The following KMT2C variants were observed in gnomAD, a reference collection of about 807,000 sequenced individuals.
KMT2C encodes lysine methyltransferase 2C.
Under a neutral mutation model 507.9 loss-of-function variants are expected in KMT2C, and 88 were observed. That is an observed-to-expected ratio of 0.17 (90% CI 0.15 to 0.21). The LOEUF is 0.21. KMT2C is among the 10% of genes least tolerant of loss of function. The pLI is 1.00. For missense variants in KMT2C, 4,954 were observed against 5,957.8 expected (o/e 0.83, Z 5.55); for synonymous variants, 2,049 against 2,080.8 (o/e 0.98, Z 0.42).
intron 6 of KMT2C, among the ~76,000 whole-genome samples, chr7:152,285,724 C>A (rs1266951014): frequency 1.3e-5 from 2 of 152,250 alleles, no homozygotes; most frequent in Non-Finnish European, 2.9e-5. Flanking sequence ...ATGGCTCCTG[C>A]CTGTAATCCC....
rs189971268 is a variant in KMT2C, at chr7:152,395,464, T to C, written c.162-36789A>G. 1.0e-3 allele frequency among the ~76,000 whole-genome samples: 157 copies of C among 152,220 alleles called. 1 individual carries two copies. The highest frequency in any genetic ancestry group is 3.7e-3 in the African/African-American group (153 of 41,524). ...TTAGCCTCCCAAAGTACTAGAATTA[T>C]AGGCATGAGCCACAGTGCCTAACCA... is the stretch of plus-strand genomic sequence containing the variant. On this transcript the variant is annotated intron_variant, in intron 1 of 58. Coordinates refer to ENST00000262189, the MANE Select transcript of KMT2C (RefSeq NM_170606.3).
At position 152,252,078 on chromosome 7, in the gene KMT2C, T is replaced by C; in HGVS notation, c.1482A>G (p.Leu494=). ...CATGATCTGTTGGTTTGTCACACTC[T>C]AGGTGAACCCACCTGCAGTGATAAG... ...HCNMCKRWVH[L]ECDKPTDHEL... Residue 494 remains leucine, a synonymous_variant, in exon 11 of 59, where the codon CTA becomes CTG. Coordinates refer to ENST00000262189, the MANE Select transcript of KMT2C (RefSeq NM_170606.3). 1 of 1,608,678 alleles carries C rather than the reference T, an allele frequency of 6.2e-7. No homozygotes were observed. Among genetic ancestry groups the C allele is most frequent in the Non-Finnish European group, 8.5e-7 (1 of 1,177,062 alleles).
At chr7:152,272,744 T>C (rs557090929) in intron 7 of KMT2C, among the ~76,000 whole-genome samples, 2 of 152,146 alleles carry the variant, frequency 1.3e-5, no homozygotes, top group Non-Finnish European at 2.9e-5. Context: ...ATAATTTTAA[T>C]GGAAAATGAA....
intron 7 of KMT2C, among the ~76,000 whole-genome samples, chr7:152,273,307 T>G (rs2096012115): frequency 6.6e-6 from 1 of 152,190 alleles, no homozygotes; most frequent in South Asian, 2.1e-4. Flanking sequence ...ACGTAAATCC[T>G]GAAATAACAC....
Position 152,317,523 on chromosome 7 carries a change from T to C in KMT2C, c.390-2185A>G, listed in dbSNP as rs892576031. On this transcript the variant is annotated intron_variant, in intron 3 of 58. Coordinates refer to ENST00000262189, the MANE Select transcript of KMT2C (RefSeq NM_170606.3). Reference sequence around the variant, plus strand: ...ACACTTCCATAAAGAAATGTGACAATAGCACCTCTGAGGAAGAGGCCACTG... The same window carrying C: ...ACACTTCCATAAAGAAATGTGACAACAGCACCTCTGAGGAAGAGGCCACTG... Among the ~76,000 whole-genome samples the C allele has an allele frequency of 3.9e-5, 6 of 152,126 alleles. No individual in the cohort carries two copies. In the South Asian group the frequency reaches 6.2e-4, roughly 16 times the overall value.
chr7:152,367,977 C>T, intron 1 of KMT2C: 1 of 891,446 alleles, frequency 1.1e-6, no homozygotes, highest in Non-Finnish European at 1.8e-6. Flanking sequence ...GTTTAAAAAA[C>T]AGATAATGAA....
chr7:152,315,365 G>A (rs747066934), intron 3 of KMT2C, 27 bp from the exon 4 acceptor site: 3 of 1,569,392 alleles, frequency 1.9e-6, no homozygotes, highest in Non-Finnish European at 1.8e-6. Flanking sequence ...GTAAGTCAGA[G>A]AAGGAGAAAA....
At chr7:152,283,013 T>C (rs556429365) in intron 6 of KMT2C, among the ~76,000 whole-genome samples, 2 of 152,064 alleles carry the variant, frequency 1.3e-5, no homozygotes, top group South Asian at 4.1e-4. Flanking sequence ...GGTTAAGAGT[T>C]TGTTTTCTTC....
intron 2 of KMT2C, among the ~76,000 whole-genome samples, chr7:152,341,244 G>C (rs546108280): frequency 1.3e-5 from 2 of 152,136 alleles, no homozygotes; most frequent in African/African-American, 4.8e-5. Flanking sequence ...AGCCAAGCCT[G>C]ACCTAAATTC....
Position 152,417,118 on chromosome 7 carries a change from G to A in KMT2C, c.161+18508C>T, listed in dbSNP as rs577860577. On this transcript the variant is annotated intron_variant, in intron 1 of 58. Coordinates refer to ENST00000262189, the MANE Select transcript of KMT2C (RefSeq NM_170606.3). ...GAGTTTATATTTATTGCTTGCTAAGGCATCAAATATAAGAAGGAAAAAATT... is the reference window on the plus strand; with the variant it reads ...GAGTTTATATTTATTGCTTGCTAAGACATCAAATATAAGAAGGAAAAAATT... 2.4e-4 allele frequency among the ~76,000 whole-genome samples: 36 copies of A among 151,470 alleles called. 2 individuals are homozygous for A. In the South Asian group the frequency reaches 6.5e-3, roughly 27 times the overall value.
intron 2 of KMT2C, among the ~76,000 whole-genome samples, chr7:152,351,759 C>T (rs971058837): frequency 1.1e-4 from 17 of 152,196 alleles, no homozygotes; most frequent in South Asian, 2.1e-4. Context: ...TTCATGGGCA[C>T]TTATCACTTC....
chr7:152,329,080 G>A (rs1490365713), intron 3 of KMT2C, among the ~76,000 whole-genome samples: 1 of 152,092 alleles, frequency 6.6e-6, no homozygotes. Context: ...GGCACACACA[G>A]AGGTTACAGC....
At chr7:152,157,266 T>TGCA (rs1221097480) in intron 44 of KMT2C, among the ~76,000 whole-genome samples, 1 of 147,424 alleles carries the variant, frequency 6.8e-6, no homozygotes, top group Non-Finnish European at 1.5e-5. Context: ...AGGCAGAGAT[T>TGCA]GCAGGGAGCT....
At chr7:152,150,170 G>T (rs552302811) in intron 51 of KMT2C, among the ~76,000 whole-genome samples, 9 of 152,250 alleles carry the variant, frequency 5.9e-5, no homozygotes, top group Admixed American at 2.6e-4. Flanking sequence ...CCATTAGTTG[G>T]ACACACTCAA....
chr7:152,268,546 G>C (rs1333081106), intron 7 of KMT2C, among the ~76,000 whole-genome samples: 2 of 152,106 alleles, frequency 1.3e-5, no homozygotes. Context: ...GGCTCTTTAA[G>C]TGATAGGCAT....
At chr7:152,425,278 T>C (rs935167977) in intron 1 of KMT2C, among the ~76,000 whole-genome samples, 24 of 152,226 alleles carry the variant, frequency 1.6e-4, no homozygotes, top group African/African-American at 4.8e-4. Context: ...GAAAGTCTAA[T>C]ATAAGAAACA....
At chr7:152,378,726 T>C (rs1247876771) in intron 1 of KMT2C, among the ~76,000 whole-genome samples, 2 of 152,168 alleles carry the variant, frequency 1.3e-5, no homozygotes, top group Admixed American at 6.5e-5. Context: ...GTTCCTTAAA[T>C]AGTTAATAAG....
intron 1 of KMT2C, among the ~76,000 whole-genome samples, chr7:152,409,578 A>AG (rs979088647): frequency 6.7e-6 from 1 of 149,668 alleles, no homozygotes; most frequent in African/African-American, 2.5e-5. Flanking sequence ...AAAAAAAAAA[A>AG]AAATTAGCCA....
In KMT2C at chr7:152,401,554, G is replaced by A. The variant is rs186976740; in HGVS notation, c.161+34072C>T. On this transcript the variant is annotated intron_variant, in intron 1 of 58. Coordinates refer to ENST00000262189, the MANE Select transcript of KMT2C (RefSeq NM_170606.3). ...AAAAATACAAAAATTTGCCAAGCAC[G>A]GTGGTACGCACCTGTAGTCCCAGCT... Among the ~76,000 whole-genome samples, 108 of 151,782 alleles carry A rather than the reference G, an allele frequency of 7.1e-4. 1 individual carries two copies. The highest frequency in any genetic ancestry group is 2.2e-3 in the African/African-American group (91 of 41,430).
Sources: gnomAD v4.1 joint callset for allele counts (sites outside exome capture counted in the v4.1 genomes callset) on GRCh38, gnomAD v4.1.1 for gene constraint, MANE v1.5 for transcripts, NCBI Gene and HGNC (gene_info 2026-07-23, HGNC 2026-07-21) for gene names.